The following OPN4 variants were observed in gnomAD, a reference collection of about 807,000 sequenced individuals.
OPN4 encodes the protein opsin 4.
In OPN4, 43 loss-of-function variants were observed where a neutral mutation model predicts 49.5. That is an observed-to-expected ratio of 0.87 (90% CI 0.68 to 1.12). OPN4 has a LOEUF of 1.12. OPN4 is among the 50% of genes most tolerant of loss of function. OPN4 has a pLI of 0.00. For missense variants in OPN4, 657 were observed against 643.9 expected (o/e 1.02, Z -0.22); for synonymous variants, 263 against 258.0 (o/e 1.02, Z -0.19).
chr10:86,664,924 G>A (rs556929209), intron 9 of OPN4, among the ~76,000 whole-genome samples: 104 of 152,326 alleles, frequency 6.8e-4, no homozygotes, highest in African/African-American at 2.3e-3. Flanking sequence ...CCAAACACAT[G>A]TGATAAGCGC....
rs1434905215 is a variant in OPN4, at chr10:86,656,316, T to C, written c.290+16T>C. 6.3e-7 allele frequency: 1 copy of C among 1,582,424 alleles called. No individual in the cohort carries two copies. The highest frequency in any genetic ancestry group is 8.6e-7 in the Non-Finnish European group (1 of 1,163,266). ...CCTTCTGCAGGTGCCTGGTTGGTGG[T>C]GCTGGGCCCAGGGCACTGAGGGTGG... On this transcript the variant is annotated intron_variant, in intron 2 of 9. Coordinates refer to ENST00000241891, the MANE Select transcript of OPN4 (RefSeq NM_033282.4).
chr10:86,658,260 G>A, intron 3 of OPN4, 95 bp downstream of exon 3: 5 of 1,512,362 alleles, frequency 3.3e-6, no homozygotes, highest in South Asian at 2.5e-5. Context: ...GTGATTTGCT[G>A]CTTCTGGGCA....
At chr10:86,665,083 G>A (rs1295167063) in intron 9 of OPN4, among the ~76,000 whole-genome samples, 3 of 152,192 alleles carry the variant, frequency 2.0e-5, no homozygotes, top group African/African-American at 7.2e-5. Flanking sequence ...GATACAGCCT[G>A]TGTGACTGTG....
At chr10:86,657,902 T>C (rs17333939) in intron 2 of OPN4, 130 bp from the exon 3 acceptor site, 30,221 of 989,724 alleles carry the variant, frequency 0.031, 929 homozygotes, top group Admixed American at 0.15. Flanking sequence ...GCCTGTTTGC[T>C]TGCCCATGTG....
At chr10:86,661,651 G>A (rs372319288) in intron 7 of OPN4, among the ~76,000 whole-genome samples, 21 of 152,182 alleles carry the variant, frequency 1.4e-4, no homozygotes, top group Admixed American at 2.0e-4. Flanking sequence ...CAGACCTGGC[G>A]TGTAGGGCAG....
chr10:86,661,172 G>A, intron 6 of OPN4, 109 bp from the exon 7 acceptor site: 1 of 856,302 alleles, frequency 1.2e-6, no homozygotes, highest in South Asian at 1.4e-5. Context: ...TGACTTAGCT[G>A]TGCTGGTTTG....
chr10:86,656,201 A>G lies in OPN4; in HGVS notation c.191A>G (p.Asp64Gly), dbSNP rs1843858696. The G allele has an allele frequency of 6.2e-7, 1 of 1,614,090 alleles. No homozygotes were observed. ...GCCTGGGTCCCCCTCCCCACGGTTG[A>G]TGTTCCAGACCATGCCCACTATACC... is the stretch of plus-strand genomic sequence containing the variant. ...AAAWVPLPTVDVPDHAHYTLG... is the reference protein window; with the variant it reads ...AAAWVPLPTVGVPDHAHYTLG... The change falls in exon 2 of 10, where the codon GAT (aspartate) becomes GGT (glycine). Residue 64 changes from aspartate to glycine, a missense_variant. Transcript: ENST00000241891.
Position 86,663,720 on chromosome 10 carries a change from C to G in OPN4, c.1316C>G (p.Ser439Cys), listed in dbSNP as rs984094632. 1 of 1,579,394 alleles carries G rather than the reference C, an allele frequency of 6.3e-7. No individual in the cohort carries two copies. Among genetic ancestry groups the G allele is most frequent in the Admixed American group, 1.8e-5 (1 of 55,398 alleles). Residue 439 changes from serine to cysteine, a missense_variant, in exon 9 of 10, where the codon TCC becomes TGC. Ser to Cys is a moderately radical substitution (Grantham distance 112, BLOSUM62 -1). Coordinates refer to ENST00000241891, the MANE Select transcript of OPN4 (RefSeq NM_033282.4). ...WGAAQQANGR[S>C]LYGQGLEDLE... The stretch of plus-strand genomic sequence containing the variant: ...GCTGCCCAGCAAGCAAATGGGCGGT[C>G]CCTCTACGGTCAGGGTCTGGAGGAC...
Position 86,662,414 on chromosome 10 carries a change from G to A in OPN4, c.1236G>A (p.Leu412=), listed in dbSNP as rs769076721. The change falls in exon 8 of 10, where the codon CTG becomes CTA. Residue 412 remains leucine (L), a synonymous_variant. Coordinates refer to ENST00000241891, the MANE Select transcript of OPN4 (RefSeq NM_033282.4). The part of the protein sequence containing the change: ...WISIRRRQES[L]GSESEVGWTH... ...CCATACGGAGGCGCCAGGAGTCCCT[G>A]GGCTCGGAGAGTGAGGTGGTAAGGA... 2 of 1,553,172 alleles carry A rather than the reference G, an allele frequency of 1.3e-6. No individual in the cohort carries two copies. Among genetic ancestry groups the A allele is most frequent in the Admixed American group, 1.9e-5 (1 of 51,544 alleles).
In OPN4 at chr10:86,666,255, C is replaced by T. The variant is rs540264774; in HGVS notation, c.*504C>T. On this transcript the variant is annotated 3_prime_UTR_variant, in exon 10 of 10. Transcript: ENST00000241891. ...CCTGTGGCTTCTTCCCCCAGTGTACCGTTCCACTGTGGCCCACATTCTTGT... is the reference window on the plus strand; with the variant it reads ...CCTGTGGCTTCTTCCCCCAGTGTACTGTTCCACTGTGGCCCACATTCTTGT... The T allele has an allele frequency of 2.1e-4, 40 of 190,836 alleles. No individual in the cohort carries two copies. Among genetic ancestry groups the T allele is most frequent in the African/African-American group, 8.9e-4 (38 of 42,854 alleles). The allele number at this position is 190,836 out of a possible 1,614,324, so 11.8% of individuals were successfully genotyped here.
chr10:86,659,218 G>A, intron 4 of OPN4, 79 bp from the exon 5 acceptor site: 2 of 1,152,444 alleles, frequency 1.7e-6, no homozygotes, highest in Non-Finnish European at 2.5e-6. Flanking sequence ...GGACCCGAAT[G>A]CCACATACAA....
Position 86,658,632 on chromosome 10 carries a change from G to A in OPN4, c.573G>A (p.Leu191=). 1 of 1,614,056 alleles carries A rather than the reference G, an allele frequency of 6.2e-7. No homozygotes were observed. Among genetic ancestry groups the A allele is most frequent in the Non-Finnish European group, 8.5e-7 (1 of 1,180,048 alleles). The change falls in exon 4 of 10, where the codon CTG becomes CTA. Residue 191 remains leucine, a synonymous_variant. Transcript: ENST00000241891. ...VASKRRAAFV[L]LGVWLYALAW... ...CCAAGAGGCGTGCGGCATTTGTCCT[G>A]CTGGGCGTTTGGCTCTATGCCCTGG...
chr10:86,658,554 C>T lies in OPN4; in HGVS notation c.495C>T (p.Ala165=), dbSNP rs1478669903. The change falls in exon 4 of 10, where the codon GCC becomes GCT. Residue 165 remains alanine (A), a synonymous_variant. Transcript: ENST00000241891. ...ISSMITLTAI[A]LDRYLVITRP... is the part of the protein sequence containing the mutation. ...CCATGATCACCCTGACGGCCATCGC[C>T]CTGGACCGCTACCTGGTAATCACAC... 1.2e-6 allele frequency: 2 copies of T among 1,614,074 alleles called. No homozygotes were observed. Among genetic ancestry groups the T allele is most frequent in the African/African-American group, 1.3e-5 (1 of 74,934 alleles).
rs202176221 is a variant in OPN4, at chr10:86,662,214, C to G, written c.1074-38C>G. 95 of 1,583,670 alleles carry G rather than the reference C, an allele frequency of 6.0e-5. No individual in the cohort carries two copies. In the African/African-American group the frequency reaches 1.0e-3, roughly 17 times the overall value. ...CATCCCCTCCCCTGCATCTGTCTGC[C>G]CATCCCCTGGCCCTAATCAGATGTG... On this transcript the variant is annotated intron_variant, in intron 7 of 9. Transcript: ENST00000241891.
At chr10:86,663,872 C>T in intron 9 of OPN4, 70 bp downstream of exon 9, 2 of 1,512,598 alleles carry the variant, frequency 1.3e-6, no homozygotes, top group Non-Finnish European at 1.8e-6. Context: ...AGGGAGAGGC[C>T]AGGAAAGAGA....
At chr10:86,661,091 C>G (rs1843992160) in intron 6 of OPN4, among the ~76,000 whole-genome samples, 190 bp from the exon 7 acceptor site, 1 of 151,742 alleles carries the variant, frequency 6.6e-6, no homozygotes, top group Admixed American at 6.6e-5. Context: ...CACACCACTG[C>G]CACTCCAGCA....
intron 9 of OPN4, 113 bp from the exon 10 acceptor site, chr10:86,665,600 C>T: frequency 3.6e-6 from 3 of 841,452 alleles, no homozygotes; most frequent in Non-Finnish European, 6.0e-6. Flanking sequence ...ACAACCTGGC[C>T]CTTCCATGCA....
intron 9 of OPN4, among the ~76,000 whole-genome samples, chr10:86,664,164 GC>G (rs1420947842): frequency 6.6e-6 from 1 of 152,224 alleles, no homozygotes; most frequent in Non-Finnish European, 1.5e-5. Flanking sequence ...GTGGCCATGT[GC>G]CCAGCACATG....
Position 86,659,052 on chromosome 10 carries a change from G to A in OPN4, c.629-245G>A, listed in dbSNP as rs576129635. On this transcript the variant is annotated intron_variant, in intron 4 of 9. Transcript: ENST00000241891. ...CTCCTGGGGTAAGACCAGGCCTCTG[G>A]CTGAAGCCCTGGCAAGCAAAACCTT... 2.6e-5 allele frequency among the ~76,000 whole-genome samples: 4 copies of A among 152,314 alleles called. 1 individual carries two copies. Among genetic ancestry groups the A allele is most frequent in the Middle Eastern group, 6.8e-3 (2 of 294 alleles).
Sources: allele counts gnomAD v4.1 joint callset (sites outside exome capture counted in the v4.1 genomes callset), GRCh38; gene constraint gnomAD v4.1.1; transcripts MANE v1.5; gene names NCBI Gene and HGNC (gene_info 2026-07-23, HGNC 2026-07-21).